TAF1: variants seen among roughly 807,000 people sequenced by gnomAD.
TAF1 encodes transcription initiation factor TFIID subunit 1.
TAF1 carries 2 observed loss-of-function variants against 138.5 expected under a neutral mutation model. That is an observed-to-expected ratio of 0.01 (90% CI 0.01 to 0.05). The LOEUF (loss-of-function observed/expected upper bound fraction) is 0.05, where lower values mean the gene tolerates loss of function less well. Among genes scored for constraint, TAF1 ranks in the 10% least tolerant of loss-of-function variants. The probability of loss-of-function intolerance (pLI) is 1.00; values close to 1 mark genes in which losing one functional copy is unlikely to be tolerated. For synonymous variants in TAF1, 437 were observed against 503.2 expected (o/e 0.87, Z 1.76); for missense variants, 709 against 1,478.0 (o/e 0.48, Z 8.53).
intron 13 of TAF1, among the ~76,000 whole-genome samples, chrX:71,478,522 T>TCAAA (rs745332638): frequency 1.0e-3 from 115 of 109,787 alleles, no homozygotes; most frequent in African/African-American, 2.5e-3. Flanking sequence ...AGACCTTGTC[T>TCAAA]CAAACAAACA....
Position 71,499,357 on chromosome X carries a change from A to G in TAF1, c.1367-29185A>G, listed in dbSNP as rs746312691. On this transcript the variant is annotated intron_variant and NMD_transcript_variant, in intron 13 of 14. Transcript: ENST00000373775. ...CCTATTATAGAACACCAAGGTTGCC[A>G]GGTTTAATAATGCCTCCAGATTTTG... is the stretch of plus-strand genomic sequence containing the variant. Among the ~76,000 whole-genome samples the G allele has an allele frequency of 2.7e-5, 3 of 112,154 alleles. No homozygotes were observed. The East Asian group carries it at 8.4e-4, about 31-fold the overall frequency.
At chrX:71,389,046 G>A (rs938837397) in intron 17 of TAF1, among the ~76,000 whole-genome samples, 178 bp downstream of exon 17, 1 of 111,665 alleles carries the variant, frequency 9.0e-6, no homozygotes, top group Non-Finnish European at 1.9e-5. Flanking sequence ...ACGTACATCA[G>A]TTCTGGAGAA....
rs1444274805 is a variant in TAF1 at position 71,378,113 on chromosome X, C to G, written c.934-122C>G. The G allele has an allele frequency of 4.4e-5, 32 of 725,667 alleles. 1 individual carries two copies. The Admixed American group carries it at 1.1e-3, about 24-fold the overall frequency. The allele number at this position is 725,667 out of a possible 1,213,427, so 59.8% of individuals were successfully genotyped here. ...ATGATACATCTCCATTGTTTACATT[C>G]TAACTCCAGGTAAATCATCCTCAGT... On this transcript the variant is annotated intron_variant, in intron 6 of 37. Coordinates refer to ENST00000423759, the MANE Select transcript of TAF1 (RefSeq NM_004606.5).
chrX:71,530,073 G>T, exon 15 of TAF1: 1 of 174,819 alleles, frequency 5.7e-6, no homozygotes. Flanking sequence ...TGATATCACA[G>T]GTGGCCATAT....
At chrX:71,366,999 C>T (rs1415491599) in intron 1 of TAF1, among the ~76,000 whole-genome samples, 3 of 112,074 alleles carry the variant, frequency 2.7e-5, no homozygotes, top group African/African-American at 9.7e-5. Context: ...GTGGCTCTCC[C>T]AGCGTCTTCA....
At chrX:71,479,297 C>T (rs191339564) in intron 13 of TAF1, among the ~76,000 whole-genome samples, 13 of 112,184 alleles carry the variant, frequency 1.2e-4, no homozygotes, top group Non-Finnish European at 2.3e-4. Flanking sequence ...ACTGGCCAGA[C>T]ATGATGGCTC....
chrX:71,519,799 A>ATTGTTTGT (rs756663852), intron 13 of TAF1, among the ~76,000 whole-genome samples: 4 of 110,972 alleles, frequency 3.6e-5, no homozygotes, highest in African/African-American at 1.3e-4. Flanking sequence ...TGTTTTATTT[A>ATTGTTTGT]TTGTTTGTTT....
intron 14 of TAF1, among the ~76,000 whole-genome samples, chrX:71,385,803 C>G (rs1215868923): frequency 1.8e-5 from 2 of 112,018 alleles, no homozygotes; most frequent in East Asian, 5.6e-4. Flanking sequence ...TTCCCTGGAA[C>G]TTTCTGTTGA....
chrX:71,503,268 CAA>C lies in TAF1; in HGVS notation c.1367-25265_1367-25264del, dbSNP rs1224612515. ...CTGGGGTGACAGAGTGAGACTGTCT[CAA>C]AAAAAAAATATATATATATATATAT... On this transcript the variant is annotated intron_variant and NMD_transcript_variant, in intron 13 of 14. Coordinates refer to the TAF1 transcript ENST00000373775. Among the ~76,000 whole-genome samples, 331 of 67,000 alleles carry C rather than the reference CAA, an allele frequency of 4.9e-3. 7 individuals carry two copies. The highest frequency in any genetic ancestry group is 0.03 in the South Asian group (45 of 1,513). 58.2% of individuals were successfully genotyped at this position (67,000 alleles called of 115,157 possible).
chrX:71,488,773 C>T (rs987352861), intron 13 of TAF1, among the ~76,000 whole-genome samples: 3 of 110,749 alleles, frequency 2.7e-5, no homozygotes, highest in South Asian at 3.8e-4. Flanking sequence ...GGCACTCATA[C>T]GACTCATCTT....
At chrX:71,377,339 T>C in intron 5 of TAF1, 148 bp downstream of exon 5, 1 of 929,949 alleles carries the variant, frequency 1.1e-6, no homozygotes, top group Non-Finnish European at 1.4e-6. Context: ...CTGTATTAGG[T>C]CTTTTTTTTA....
chrX:71,398,439 G>T (rs2034980391), intron 23 of TAF1, 133 bp from the exon 24 acceptor site: 1 of 835,165 alleles, frequency 1.2e-6, no homozygotes, highest in Non-Finnish European at 1.6e-6. Context: ...GATGGGAATG[G>T]CATGTAGCCC....
chrX:71,370,561 G>C (rs1395160473), intron 3 of TAF1, among the ~76,000 whole-genome samples: 1 of 111,507 alleles, frequency 9.0e-6, no homozygotes. Context: ...TCTTGGCCAG[G>C]CTGGTCTCGA....
At chrX:71,383,860 T>C (rs757531097) in intron 12 of TAF1, 102 bp from the exon 13 acceptor site, 62 of 959,717 alleles carry the variant, frequency 6.5e-5, no homozygotes, top group Non-Finnish European at 8.1e-5. Flanking sequence ...AATTGGAAAA[T>C]AGGTAAAATG....
At chrX:71,478,775 C>G (rs763553537) in intron 13 of TAF1, among the ~76,000 whole-genome samples, 1 of 111,614 alleles carries the variant, frequency 9.0e-6, no homozygotes, top group Admixed American at 9.5e-5. Context: ...GAAAACTGAC[C>G]AAAAAACATA....
chrX:71,374,176 C>T (rs2033303535), intron 3 of TAF1, among the ~76,000 whole-genome samples: 2 of 110,537 alleles, frequency 1.8e-5, no homozygotes, highest in Admixed American at 9.7e-5. Flanking sequence ...CTTCACCTCC[C>T]GGTTCAAGTG....
intron 23 of TAF1, 70 bp from the exon 24 acceptor site, chrX:71,398,502 G>T: frequency 8.6e-7 from 1 of 1,165,970 alleles, no homozygotes; most frequent in Non-Finnish European, 1.2e-6. Context: ...TAGCTATCAC[G>T]ATAGTCTTCT....
At chrX:71,406,815 G>A in intron 26 of TAF1, 69 bp downstream of exon 26, 1 of 871,551 alleles carries the variant, frequency 1.1e-6, no homozygotes, top group Non-Finnish European at 1.7e-6. Context: ...GTATGCCACA[G>A]CTCTGACAGC....
At chrX:71,496,811 CT>C (rs1186809925) in intron 13 of TAF1, among the ~76,000 whole-genome samples, 4 of 111,474 alleles carry the variant, frequency 3.6e-5, no homozygotes, top group African/African-American at 1.3e-4. Context: ...CTGTCTCTCT[CT>C]TTCTGTCTCT....
Sources: gnomAD v4.1 joint callset for allele counts (sites outside exome capture counted in the v4.1 genomes callset) on GRCh38, gnomAD v4.1.1 for gene constraint, MANE v1.5 for transcripts, NCBI Gene and HGNC (gene_info 2026-07-23, HGNC 2026-07-21) for gene names.